The following C1orf21 variants were observed in gnomAD, a reference collection of about 807,000 sequenced individuals.
C1orf21 encodes uncharacterized protein C1orf21.
In C1orf21, 3 loss-of-function variants were observed where a neutral mutation model predicts 18.7. The ratio of observed to expected loss-of-function variants is 0.16; its 90% CI spans 0.07 to 0.42. The LOEUF (loss-of-function observed/expected upper bound fraction) is 0.42, where lower values mean the gene tolerates loss of function less well. C1orf21 is among the 10% of genes least tolerant of loss of function. The pLI, the probability that C1orf21 is intolerant of heterozygous loss-of-function variation, is 0.99. For synonymous variants in C1orf21, 41 were observed against 46.4 expected, an observed-to-expected ratio of 0.88 and a Z score of 0.47; for missense variants, 104 against 143.6, an observed-to-expected ratio of 0.72 and a Z score of 1.41.
intron 1 of C1orf21, among the ~76,000 whole-genome samples, chr1:184,467,619 C>T (rs948307452): frequency 6.6e-6 from 1 of 152,172 alleles, no homozygotes; most frequent in Non-Finnish European, 1.5e-5. Context: ...TGGTACAATT[C>T]CTAAAAACCA....
chr1:184,621,431 TC>T lies in C1orf21; in HGVS notation c.*1879del, dbSNP rs2102014846. 1 of 152,708 alleles carries T rather than the reference TC, an allele frequency of 6.5e-6. No homozygotes were observed. Among genetic ancestry groups the T allele is most frequent in the African/African-American group, 2.4e-5 (1 of 41,542 alleles). 9.5% of individuals were successfully genotyped at this position (152,708 alleles called of 1,614,324 possible). On this transcript the variant is annotated 3_prime_UTR_variant, in exon 6 of 6. Coordinates refer to ENST00000235307, the MANE Select transcript of C1orf21 (RefSeq NM_030806.4). ...AAGTAGTCTAGGGTTTCAGGTTGCCTCCCCTCATATGGTTTTTGGCCAAGTG... is the reference window on the plus strand; with the variant it reads ...AAGTAGTCTAGGGTTTCAGGTTGCCTCCCTCATATGGTTTTTGGCCAAGTG...
chr1:184,409,728 A>G (rs751152560), intron 1 of C1orf21, among the ~76,000 whole-genome samples: 7 of 152,194 alleles, frequency 4.6e-5, no homozygotes, highest in Non-Finnish European at 7.3e-5. Context: ...TCATGACTCC[A>G]GGGGCTCTGG....
At chr1:184,570,120 A>G (rs1443481997) in intron 3 of C1orf21, among the ~76,000 whole-genome samples, 3 of 152,196 alleles carry the variant, frequency 2.0e-5, no homozygotes, top group African/African-American at 4.8e-5. Flanking sequence ...AACAAATTTT[A>G]TACTATATTA....
chr1:184,481,246 A>G (rs1657649817), intron 2 of C1orf21, among the ~76,000 whole-genome samples: 1 of 152,222 alleles, frequency 6.6e-6, no homozygotes, highest in Non-Finnish European at 1.5e-5. Flanking sequence ...CGCATTCCAC[A>G]GTAACTGTTT....
Position 184,434,468 on chromosome 1 carries a change from C to T in C1orf21, c.-124-42918C>T, listed in dbSNP as rs117547432. Among the ~76,000 whole-genome samples the T allele has an allele frequency of 7.2e-3, 1,089 of 152,198 alleles. 39 individuals carry two copies. The highest frequency in any genetic ancestry group is 0.053 in the Admixed American group (814 of 15,272). On this transcript the variant is annotated intron_variant, in intron 1 of 5. Coordinates refer to ENST00000235307, the MANE Select transcript of C1orf21 (RefSeq NM_030806.4). ...AGACACAGGGGATAATAGCATTCGA[C>T]GAAAGAGGCAGAGACTCTATCCTTT... is the stretch of plus-strand genomic sequence containing the variant.
intron 3 of C1orf21, among the ~76,000 whole-genome samples, chr1:184,526,613 C>T (rs528632049): frequency 6.6e-6 from 1 of 152,154 alleles, no homozygotes; most frequent in Non-Finnish European, 1.5e-5. Flanking sequence ...GGCCAACTAA[C>T]TCCAAGTATA....
At chr1:184,509,497 T>C (rs1210304340) in intron 3 of C1orf21, among the ~76,000 whole-genome samples, 2 of 152,164 alleles carry the variant, frequency 1.3e-5, no homozygotes, top group Non-Finnish European at 2.9e-5. Flanking sequence ...ATAGCTATCT[T>C]TGATCTGAAA....
chr1:184,542,553 A>T (rs1252768401), intron 3 of C1orf21: 1 of 152,236 alleles, frequency 6.6e-6, no homozygotes, highest in African/African-American at 2.4e-5. Context: ...AAGGTTGTAG[A>T]TGAAGTACCT....
chr1:184,587,636 T>G (rs1241622932), intron 3 of C1orf21, among the ~76,000 whole-genome samples: 26 of 146,984 alleles, frequency 1.8e-4, no homozygotes, highest in African/African-American at 5.5e-4. Context: ...GGAGTGCTAG[T>G]GATTTTTGTT....
chr1:184,495,321 C>T (rs1657875094), intron 2 of C1orf21, among the ~76,000 whole-genome samples: 2 of 152,166 alleles, frequency 1.3e-5, no homozygotes, highest in African/African-American at 4.8e-5. Context: ...TCCCTGTTCC[C>T]ATCCTCTTCA....
intron 1 of C1orf21, among the ~76,000 whole-genome samples, chr1:184,470,127 C>T (rs1030074933): frequency 1.4e-4 from 21 of 152,068 alleles, no homozygotes; most frequent in African/African-American, 4.6e-4. Context: ...TGTTTTCTCT[C>T]GTTATCTCTG....
chr1:184,401,845 A>G (rs1269245355), intron 1 of C1orf21, among the ~76,000 whole-genome samples: 3 of 151,370 alleles, frequency 2.0e-5, no homozygotes, highest in Non-Finnish European at 2.9e-5. Flanking sequence ...TATCAAAAAT[A>G]TTATCAATTT....
intron 3 of C1orf21, among the ~76,000 whole-genome samples, chr1:184,548,214 AACACACACACACACACAC>A (rs58174774): frequency 2.3e-4 from 32 of 139,984 alleles, no homozygotes; most frequent in South Asian, 2.4e-4. Flanking sequence ...TCAAATCCCC[AACACACACACACACACAC>A]ACACACACAC....
At chr1:184,463,566 G>A (rs1657340977) in intron 1 of C1orf21, among the ~76,000 whole-genome samples, 1 of 152,102 alleles carries the variant, frequency 6.6e-6, no homozygotes. Context: ...GGTGAGAAAT[G>A]TTTATTAATC....
intron 4 of C1orf21, among the ~76,000 whole-genome samples, chr1:184,592,032 A>G (rs1384728811): frequency 6.6e-6 from 1 of 152,188 alleles, no homozygotes; most frequent in Non-Finnish European, 1.5e-5. Flanking sequence ...GTCTGTTAGT[A>G]TATGGTAAAA....
intron 1 of C1orf21, among the ~76,000 whole-genome samples, chr1:184,451,597 G>T (rs1209674417): frequency 6.6e-6 from 1 of 151,604 alleles, no homozygotes; most frequent in Non-Finnish European, 1.5e-5. Context: ...GAGCTACCAG[G>T]CCCAATCTGG....
chr1:184,457,475 T>TA (rs1657238823), intron 1 of C1orf21, among the ~76,000 whole-genome samples: 2 of 151,858 alleles, frequency 1.3e-5, no homozygotes, highest in African/African-American at 2.4e-5. Flanking sequence ...ATATATATAT[T>TA]TTTACATAGA....
intron 3 of C1orf21, among the ~76,000 whole-genome samples, chr1:184,586,207 T>C (rs1338629337): frequency 6.6e-6 from 1 of 152,206 alleles, no homozygotes; most frequent in Non-Finnish European, 1.5e-5. Flanking sequence ...TGATCAGTGA[T>C]GTTAAACTTT....
intron 3 of C1orf21, among the ~76,000 whole-genome samples, chr1:184,516,653 A>G (rs1442932855): frequency 2.3e-4 from 35 of 152,214 alleles, no homozygotes; most frequent in Admixed American, 2.3e-3. Context: ...GCAAAAGCAG[A>G]AGCCCTTGGT....
Sources: gnomAD v4.1 joint callset for allele counts (sites outside exome capture counted in the v4.1 genomes callset) on GRCh38, gnomAD v4.1.1 for gene constraint, MANE v1.5 for transcripts, NCBI Gene and HGNC (gene_info 2026-07-23, HGNC 2026-07-21) for gene names.